CSMD1: variants seen among roughly 807,000 people sequenced by gnomAD.
The protein encoded by CSMD1 is CUB and Sushi multiple domains 1.
In CSMD1, 213 loss-of-function variants were observed where a neutral mutation model predicts 417.5. That is an observed-to-expected ratio of 0.51 (90% CI 0.46 to 0.57). The LOEUF is 0.57. CSMD1 is among the 20% of genes least tolerant of loss of function. The pLI is 0.00. For synonymous variants in CSMD1, 2,862 were observed against 1,736.8 expected, an observed-to-expected ratio of 1.65 and a Z score of -16.11; for missense variants, 6,923 against 4,529.7, an observed-to-expected ratio of 1.53 and a Z score of -15.17.
chr8:4,521,422 A>G (rs1803438922), intron 2 of CSMD1, among the ~76,000 whole-genome samples: 2 of 152,170 alleles, frequency 1.3e-5, no homozygotes, highest in Non-Finnish European at 2.9e-5. Flanking sequence ...TATTATTTGT[A>G]TTTTTAAAGA....
At chr8:3,126,478 T>C (rs1345261056) in intron 41 of CSMD1, among the ~76,000 whole-genome samples, 1 of 152,064 alleles carries the variant, frequency 6.6e-6, no homozygotes, top group Non-Finnish European at 1.5e-5. Flanking sequence ...ACTGAAGACT[T>C]TGAAGCCCCG....
At chr8:4,120,892 C>T (rs1268312151) in intron 3 of CSMD1, among the ~76,000 whole-genome samples, 3 of 152,008 alleles carry the variant, frequency 2.0e-5, no homozygotes, top group African/African-American at 7.3e-5. Context: ...GTTTATACAC[C>T]ATGGAATTTA....
intron 12 of CSMD1, among the ~76,000 whole-genome samples, chr8:3,457,709 C>T (rs1306921208): frequency 1.3e-5 from 2 of 151,938 alleles, no homozygotes; most frequent in Non-Finnish European, 2.9e-5. Flanking sequence ...CATAAAAACT[C>T]GTAAAGGAAA....
intron 5 of CSMD1, among the ~76,000 whole-genome samples, chr8:3,941,508 G>C (rs535825228): frequency 2.3e-4 from 35 of 152,224 alleles, no homozygotes; most frequent in South Asian, 1.0e-3. Flanking sequence ...AAGGAGCTTT[G>C]ATTTAAATGT....
chr8:3,750,942 C>T (rs776959404), intron 6 of CSMD1, among the ~76,000 whole-genome samples: 59 of 152,266 alleles, frequency 3.9e-4, no homozygotes, highest in Middle Eastern at 3.4e-3. Context: ...GCACCATGCG[C>T]CCTCTAAGAT....
At position 3,954,743 on chromosome 8, in the gene CSMD1, T is replaced by G. The variant is rs144238830; in HGVS notation, c.818+43160A>C. Among the ~76,000 whole-genome samples the G allele has an allele frequency of 3.1e-3, 470 of 151,878 alleles. 4 individuals are homozygous for G. The highest frequency in any genetic ancestry group is 0.011 in the African/African-American group (453 of 41,568). On this transcript the variant is annotated intron_variant, in intron 5 of 69. Coordinates refer to ENST00000635120, the MANE Select transcript of CSMD1 (RefSeq NM_033225.6). ...GCTGCCCGCATGCGCAGAGCCCTCC[T>G]TGCCCCTCAGAACTGAGCATGCGTA...
At chr8:3,590,901 A>T (rs1800816498) in intron 8 of CSMD1, among the ~76,000 whole-genome samples, 2 of 152,170 alleles carry the variant, frequency 1.3e-5, no homozygotes, top group Admixed American at 1.3e-4. Flanking sequence ...TGTGCTTTCG[A>T]TGTCGAATAT....
At chr8:3,967,524 G>C (rs909208987) in intron 5 of CSMD1, among the ~76,000 whole-genome samples, 55 of 152,014 alleles carry the variant, frequency 3.6e-4, no homozygotes, top group African/African-American at 1.1e-3. Context: ...GAGAATTAAA[G>C]AGAACTGAAA....
chr8:3,591,965 G>C (rs1221934378), intron 8 of CSMD1, among the ~76,000 whole-genome samples: 2 of 152,046 alleles, frequency 1.3e-5, no homozygotes, highest in African/African-American at 2.4e-5. Flanking sequence ...ATAGATGAAT[G>C]GATGGAAAGA....
intron 5 of CSMD1, among the ~76,000 whole-genome samples, chr8:3,950,269 A>C (rs1312700127): frequency 6.6e-6 from 1 of 152,180 alleles, no homozygotes; most frequent in Non-Finnish European, 1.5e-5. Flanking sequence ...TGATACTTAA[A>C]CACAAATTAT....
chr8:4,788,652 C>G, intron 1 of CSMD1: 1 of 669,370 alleles, frequency 1.5e-6, no homozygotes, highest in East Asian at 2.6e-5. Context: ...GAAGGAAAAT[C>G]AAGCAATATG....
rs112413145 is a variant in CSMD1, at chr8:3,458,198, T to C, written c.1561+10514A>G. On this transcript the variant is annotated intron_variant, in intron 12 of 69. Coordinates refer to ENST00000635120, the MANE Select transcript of CSMD1 (RefSeq NM_033225.6). ...TACATGTTGGGAAGGGAGAGTGCAA[T>C]GTAGCTGGAGCTAACGGGCCACTAA... 8.1e-3 allele frequency among the ~76,000 whole-genome samples: 1,227 copies of C among 152,288 alleles called. 26 individuals carry two copies. The highest frequency in any genetic ancestry group is 0.027 in the African/African-American group (1,122 of 41,554).
chr8:3,949,330 C>A (rs1811447854), intron 5 of CSMD1, among the ~76,000 whole-genome samples: 1 of 152,070 alleles, frequency 6.6e-6, no homozygotes, highest in Admixed American at 6.5e-5. Flanking sequence ...AATGTTGTAG[C>A]CTCTGACCAA....
chr8:4,171,713 T>G (rs965537887), intron 3 of CSMD1, among the ~76,000 whole-genome samples: 1 of 149,782 alleles, frequency 6.7e-6, no homozygotes, highest in Non-Finnish European at 1.5e-5. Context: ...TTCTGATATT[T>G]ATGTGCCAAG....
At chr8:3,172,709 C>A (rs1030346186) in intron 37 of CSMD1, among the ~76,000 whole-genome samples, 7 of 152,080 alleles carry the variant, frequency 4.6e-5, no homozygotes, top group African/African-American at 1.7e-4. Context: ...GGGAGGAAGG[C>A]CCACATGCAC....
chr8:4,035,015 AT>A (rs1199183322), intron 3 of CSMD1, among the ~76,000 whole-genome samples: 1 of 152,160 alleles, frequency 6.6e-6, no homozygotes, highest in African/African-American at 2.4e-5. Flanking sequence ...GCCTGAAATT[AT>A]TTTTTTCAAT....
At chr8:3,690,797 T>G (rs980637347) in intron 7 of CSMD1, among the ~76,000 whole-genome samples, 3 of 152,212 alleles carry the variant, frequency 2.0e-5, no homozygotes, top group Non-Finnish European at 4.4e-5. Flanking sequence ...AAAAAAGGAA[T>G]AGTCATATTC....
intron 2 of CSMD1, among the ~76,000 whole-genome samples, chr8:4,460,427 GA>G (rs1420035773): frequency 6.6e-6 from 1 of 151,938 alleles, no homozygotes; most frequent in Non-Finnish European, 1.5e-5. Flanking sequence ...CACTGTCCTG[GA>G]AAAAGTACAA....
chr8:3,701,158 C>T lies in CSMD1; in HGVS notation c.1009+7256G>A, dbSNP rs1408567084. ...GAGAGAGATGCCTGTTAGACATCAACGTGACTCCCAAGTAAGCCCGTGGAT... is the reference window on the plus strand; with the variant it reads ...GAGAGAGATGCCTGTTAGACATCAATGTGACTCCCAAGTAAGCCCGTGGAT... On this transcript the variant is annotated intron_variant, in intron 7 of 69. Coordinates refer to ENST00000635120, the MANE Select transcript of CSMD1 (RefSeq NM_033225.6). Among the ~76,000 whole-genome samples the T allele has an allele frequency of 2.0e-5, 3 of 152,098 alleles. No homozygotes were observed. The South Asian group carries it at 6.2e-4, about 32-fold the overall frequency.
Sources: allele counts gnomAD v4.1 joint callset (sites outside exome capture counted in the v4.1 genomes callset), GRCh38; gene constraint gnomAD v4.1.1; transcripts MANE v1.5; gene names NCBI Gene and HGNC (gene_info 2026-07-23, HGNC 2026-07-21).